Variants in PARP11 observed in about 807,000 individuals in gnomAD.
The protein encoded by PARP11 is protein mono-ADP-ribosyltransferase PARP11.
PARP11 carries 31 observed loss-of-function variants against 42.9 expected under a neutral mutation model. That is an observed-to-expected ratio of 0.72 (90% CI 0.54 to 0.98). PARP11 has a LOEUF of 0.98. Among genes scored for constraint, PARP11 ranks in the 50% least tolerant of loss-of-function variants. The probability of loss-of-function intolerance (pLI) is 0.00; values close to 1 mark genes in which losing one functional copy is unlikely to be tolerated. For missense variants in PARP11, 365 were observed against 413.1 expected (o/e 0.88, Z 1.01); for synonymous variants, 137 against 127.3 (o/e 1.08, Z -0.51).
At chr12:3,850,289 A>G (rs1012788016) in intron 1 of PARP11, among the ~76,000 whole-genome samples, 2 of 152,210 alleles carry the variant, frequency 1.3e-5, no homozygotes, top group East Asian at 1.9e-4. Flanking sequence ...CATAATATAT[A>G]TAGCATAATT....
chr12:3,840,024 G>A lies in PARP11; in HGVS notation c.19-10006C>T, dbSNP rs1217012879. The A allele has an allele frequency of 2.5e-6, 4 of 1,605,770 alleles. No individual in the cohort carries two copies. In the East Asian group the frequency reaches 8.9e-5, roughly 36 times the overall value. Reference sequence around the variant, plus strand: ...AGAACAATGGGAACTCTACTAGCCTGCCTTTGGCTAGAAAGGTTCTTAAGT... The same window carrying A: ...AGAACAATGGGAACTCTACTAGCCTACCTTTGGCTAGAAAGGTTCTTAAGT... On this transcript the variant is annotated intron_variant, in intron 1 of 7. Transcript: ENST00000228820. This position sits in a 1 kb window ranked among gnomAD's most constrained non-coding sequence, Gnocchi z 4.4.
In PARP11 at chr12:3,873,323, AGC is replaced by A; in HGVS notation, c.-96_-95del. 1 of 1,241,676 alleles carries A rather than the reference AGC, an allele frequency of 8.1e-7. No individual in the cohort carries two copies. Among genetic ancestry groups the A allele is most frequent in the Non-Finnish European group, 1.2e-6 (1 of 866,532 alleles). 76.9% of individuals were successfully genotyped at this position (1,241,676 alleles called of 1,614,324 possible). A position where few individuals can be genotyped will look rare whatever the true frequency, so the allele number is the denominator to read the frequency against. On this transcript the variant is annotated 5_prime_UTR_variant, in exon 1 of 8. Transcript: ENST00000228820. ...TTTTTTTTTCCCGCGGGTCCCCGGG[AGC>A]GAAGGGACGGAGATGCAACCTTTAC...
chr12:3,827,466 T>G (rs11062852), intron 3 of PARP11, among the ~76,000 whole-genome samples: 6,419 of 152,280 alleles, frequency 0.042, 157 homozygotes, highest in South Asian at 0.11. Context: ...CTGGTGTCTG[T>G]GCATATCATT....
At chr12:3,839,371 C>T in intron 1 of PARP11, 1 of 1,545,666 alleles carries the variant, frequency 6.5e-7, no homozygotes. Flanking sequence ...GGACGCGACG[C>T]CCATGGACGC....
In PARP11 at chr12:3,859,057, C is replaced by T. The variant is rs190856559; in HGVS notation, c.18+14155G>A. On this transcript the variant is annotated intron_variant, in intron 1 of 7. Transcript: ENST00000228820. Reference sequence around the variant, plus strand: ...GGGTCACAGTGAGCCGAGATCATGTCATTGCACTCGAGCCTGGGCGACAGA... The same window carrying T: ...GGGTCACAGTGAGCCGAGATCATGTTATTGCACTCGAGCCTGGGCGACAGA... Among the ~76,000 whole-genome samples the T allele has an allele frequency of 2.8e-4, 42 of 148,326 alleles. 1 individual carries two copies. Among genetic ancestry groups the T allele is most frequent in the Admixed American group, 1.1e-3 (17 of 14,894 alleles).
Position 3,847,183 on chromosome 12 carries a change from T to C in PARP11, c.19-17165A>G, listed in dbSNP as rs139758125. Among the ~76,000 whole-genome samples the C allele has an allele frequency of 5.0e-3, 759 of 152,346 alleles. 6 individuals are homozygous for C. Among genetic ancestry groups the C allele is most frequent in the African/African-American group, 0.017 (712 of 41,582 alleles). On this transcript the variant is annotated intron_variant, in intron 1 of 7. Transcript: ENST00000228820. ...AGTAACAAGATTGAAGCTGTAATTA[T>C]GTCTCCCATCAAAGAAAAGCTCAGG...
chr12:3,850,879 G>T (rs1022494658), intron 1 of PARP11, among the ~76,000 whole-genome samples: 8 of 152,150 alleles, frequency 5.3e-5, no homozygotes, highest in African/African-American at 1.9e-4. Flanking sequence ...AGAAAGAGAA[G>T]GACCAACTAT....
At chr12:3,868,566 T>C (rs1948427121) in intron 1 of PARP11, among the ~76,000 whole-genome samples, 1 of 152,200 alleles carries the variant, frequency 6.6e-6, no homozygotes, top group Non-Finnish European at 1.5e-5. Context: ...CATAGGCACA[T>C]TAAACATAGT....
intron 3 of PARP11, among the ~76,000 whole-genome samples, chr12:3,828,384 T>C (rs570193340): frequency 5.9e-4 from 89 of 151,854 alleles, no homozygotes; most frequent in African/African-American, 2.1e-3. Flanking sequence ...CTGTCTCTAC[T>C]AAAAATACAA....
chr12:3,849,143 T>C (rs1381256171), intron 1 of PARP11, among the ~76,000 whole-genome samples: 2 of 151,888 alleles, frequency 1.3e-5, no homozygotes, highest in Admixed American at 6.6e-5. Flanking sequence ...ATAGCTTTTA[T>C]AAAAAGACAA....
At chr12:3,843,096 TCTC>T (rs2138077110) in intron 1 of PARP11, among the ~76,000 whole-genome samples, 1 of 152,344 alleles carries the variant, frequency 6.6e-6, no homozygotes, top group Non-Finnish European at 1.5e-5. Context: ...AATAATGTCT[TCTC>T]TTTAATATTC....
At position 3,814,076 on chromosome 12, in the gene PARP11, A is replaced by T; in HGVS notation, c.661T>A (p.Trp221Arg). The change falls in exon 7 of 8, where the codon TGG (tryptophan) becomes AGG (arginine). Residue 221 changes from tryptophan to arginine, a missense_variant. Physicochemically the swap from Trp to Arg is moderately radical, Grantham distance 101. Coordinates refer to ENST00000228820, the MANE Select transcript of PARP11 (RefSeq NM_020367.6). Reference sequence around the variant, plus strand: ...GCACCATGTATACCATTTATTCTCCAATCAAAGTTATGAATGCAGATTGCT... The same window carrying T: ...GCACCATGTATACCATTTATTCTCCTATCAAAGTTATGAATGCAGATTGCT... ...VEAICIHNFD[W>R]RINGIHGAVF... is the part of the protein sequence containing the mutation. 1 of 1,606,002 alleles carries T rather than the reference A, an allele frequency of 6.2e-7. No individual in the cohort carries two copies.
intron 1 of PARP11, among the ~76,000 whole-genome samples, chr12:3,862,166 C>G (rs951648819): frequency 3.3e-5 from 5 of 152,054 alleles, no homozygotes; most frequent in Non-Finnish European, 7.4e-5. Context: ...AGTGGCTCAT[C>G]CCTGTAATCA....
At chr12:3,827,088 C>T (rs185459268) in intron 3 of PARP11, among the ~76,000 whole-genome samples, 7 of 152,348 alleles carry the variant, frequency 4.6e-5, no homozygotes, top group African/African-American at 1.7e-4. Context: ...ATCATCTCAG[C>T]ATGTGGAGCA....
intron 3 of PARP11, among the ~76,000 whole-genome samples, 180 bp downstream of exon 3, chr12:3,828,730 A>G (rs1183138409): frequency 6.6e-6 from 1 of 152,176 alleles, no homozygotes; most frequent in Non-Finnish European, 1.5e-5. Flanking sequence ...CACACCTTTT[A>G]TAAAAGGCAA....
At chr12:3,839,866 G>A (rs1199360758) in intron 1 of PARP11, 1 of 1,094,038 alleles carries the variant, frequency 9.1e-7, no homozygotes, top group Non-Finnish European at 1.4e-6. Flanking sequence ...GATGGAACTA[G>A]ACACGTTGGA....
In PARP11 at chr12:3,812,474, C is replaced by T. The variant is rs769212149; in HGVS notation, c.701-35G>A. On this transcript the variant is annotated intron_variant, in intron 7 of 7. Coordinates refer to ENST00000228820, the MANE Select transcript of PARP11 (RefSeq NM_020367.6). ...AGAGGACCAAGAAAAGCCAAGATTA[C>T]TCCGAAGAATATATTAAAAACAAGC... 8.0e-6 allele frequency: 12 copies of T among 1,492,552 alleles called. No homozygotes were observed. The Admixed American group carries it at 2.4e-4, about 29-fold the overall frequency. The allele number at this position is 1,492,552 out of a possible 1,614,324, so 92.5% of individuals were successfully genotyped here.
Position 3,811,116 on chromosome 12 carries a change from C to T in PARP11, c.*1007G>A, listed in dbSNP as rs890568262. 4 of 152,166 alleles carry T rather than the reference C, an allele frequency of 2.6e-5. No individual in the cohort carries two copies. The highest frequency in any genetic ancestry group is 9.7e-5 in the African/African-American group (4 of 41,430). 9.4% of individuals were successfully genotyped at this position (152,166 alleles called of 1,614,324 possible). On this transcript the variant is annotated 3_prime_UTR_variant, in exon 8 of 8. Coordinates refer to ENST00000228820, the MANE Select transcript of PARP11 (RefSeq NM_020367.6). Reference sequence around the variant, plus strand: ...ACTTTTCAAGAGAGTAGGTTGTCAACAGCTACTTCAAAGGAGAAACCAGAT... The same window carrying T: ...ACTTTTCAAGAGAGTAGGTTGTCAATAGCTACTTCAAAGGAGAAACCAGAT...
intron 3 of PARP11, among the ~76,000 whole-genome samples, chr12:3,828,405 C>T (rs1043816261): frequency 3.3e-5 from 5 of 151,636 alleles, no homozygotes; most frequent in Non-Finnish European, 7.4e-5. Flanking sequence ...AAAAATTAGC[C>T]GGGTGTGGGG....
Sources: allele counts gnomAD v4.1 joint callset (sites outside exome capture counted in the v4.1 genomes callset), GRCh38; gene constraint gnomAD v4.1.1; non-coding constraint Gnocchi (gnomAD v3.1); transcripts MANE v1.5; gene names NCBI Gene and HGNC (gene_info 2026-07-23, HGNC 2026-07-21).